IPO11: variants seen among roughly 807,000 people sequenced by gnomAD.
The protein encoded by IPO11 is importin-11.
A neutral mutation model predicts 143.2 loss-of-function variants in IPO11; 66 were observed. That is an observed-to-expected ratio of 0.46 (90% CI 0.38 to 0.57). IPO11 has a LOEUF of 0.57. Ranked by LOEUF, IPO11 falls within the 20% of genes least tolerant of loss-of-function variation. The pLI is 0.00. For missense variants in IPO11, 1,026 were observed against 1,141.0 expected (o/e 0.90, Z 1.45); for synonymous variants, 385 against 377.8 (o/e 1.02, Z -0.22).
rs148964090 is a variant in IPO11 at position 62,601,780 on chromosome 5, C to G, written c.2695C>G (p.His899Asp). The G allele has an allele frequency of 6.3e-7, 1 of 1,584,450 alleles. No homozygotes were observed. ...GTYKDCMLMS[H>D]LEEPKVTEDE... ...TTATTATAGCTGTATGTTGATGTCT[C>G]ATCTTGAGGAACCAAAAGTAACAGA... The change falls in exon 29 of 30, where the codon CAT (histidine) becomes GAT (aspartate). Residue 899 changes from histidine (H) to aspartate (D), a missense_variant. Around this residue, in one of 5 missense-constraint regions of IPO11, gnomAD observed 351 missense variants for 358.9 expected, o/e 0.98. Transcript: ENST00000325324.
chr5:62,598,878 G>A (rs1361161672), intron 28 of IPO11, among the ~76,000 whole-genome samples: 1 of 151,826 alleles, frequency 6.6e-6, no homozygotes, highest in Non-Finnish European at 1.5e-5. Context: ...CTAGCTGAAA[G>A]TCAGTTACAT....
chr5:62,530,898 A>T, intron 22 of IPO11, 113 bp downstream of exon 22: 1 of 756,594 alleles, frequency 1.3e-6, no homozygotes, highest in Non-Finnish European at 2.3e-6. Context: ...CTTCTAGTTT[A>T]GATTCAGGGG....
intron 19 of IPO11, among the ~76,000 whole-genome samples, chr5:62,514,344 C>T (rs1426424957): frequency 6.6e-6 from 1 of 152,102 alleles, no homozygotes; most frequent in African/African-American, 2.4e-5. Context: ...AATCCTGGCA[C>T]CTCGGGAGGC....
chr5:62,485,984 C>CTTT (rs746289007), intron 12 of IPO11, among the ~76,000 whole-genome samples: 1 of 130,248 alleles, frequency 7.7e-6, no homozygotes, highest in Non-Finnish European at 1.7e-5. Flanking sequence ...TTTTCTTTTT[C>CTTT]TTTTTTTTTT....
intron 1 of IPO11, among the ~76,000 whole-genome samples, chr5:62,435,210 G>GTATATATATGTATATATA (rs769669064): frequency 0.013 from 1,212 of 92,266 alleles, 91 homozygotes; most frequent in South Asian, 0.027. Context: ...GTATATATAT[G>GTATATATATGTATATATA]TGTATATATA....
intron 8 of IPO11, among the ~76,000 whole-genome samples, chr5:62,474,768 C>G (rs1048731111): frequency 6.6e-6 from 1 of 152,106 alleles, no homozygotes; most frequent in Non-Finnish European, 1.5e-5. Context: ...AGACCTACAG[C>G]GGATGCCTGA....
At chr5:62,515,544 T>A in intron 20 of IPO11, 43 bp downstream of exon 20, 2 of 1,294,100 alleles carry the variant, frequency 1.5e-6, no homozygotes, top group Non-Finnish European at 2.1e-6. Flanking sequence ...TAGTGGTTTT[T>A]AAAAAATTCT....
intron 24 of IPO11, among the ~76,000 whole-genome samples, chr5:62,546,610 C>A (rs1175560691): frequency 7.0e-6 from 1 of 143,504 alleles, no homozygotes; most frequent in Non-Finnish European, 1.5e-5. Context: ...AAAAAAACCA[C>A]ACACACACAA....
At chr5:62,533,492 G>T (rs542746219) in intron 22 of IPO11, among the ~76,000 whole-genome samples, 42 of 152,058 alleles carry the variant, frequency 2.8e-4, no homozygotes, top group African/African-American at 9.9e-4. Context: ...GATTACAGGC[G>T]TGAGCCACCA....
intron 28 of IPO11, 31 bp downstream of exon 28, chr5:62,591,703 G>A (rs1190077861): frequency 7.2e-7 from 1 of 1,389,672 alleles, no homozygotes; most frequent in Non-Finnish European, 1.0e-6. Flanking sequence ...ATCATAATTG[G>A]ACTTGGGGGA....
At chr5:62,594,915 A>G (rs1191521817) in intron 28 of IPO11, among the ~76,000 whole-genome samples, 1 of 152,206 alleles carries the variant, frequency 6.6e-6, no homozygotes, top group Non-Finnish European at 1.5e-5. Flanking sequence ...CCTTTGTGAA[A>G]TACAAAGAAT....
intron 26 of IPO11, among the ~76,000 whole-genome samples, chr5:62,555,407 T>TA (rs1165362397): frequency 6.6e-6 from 1 of 152,016 alleles, no homozygotes; most frequent in Non-Finnish European, 1.5e-5. Context: ...CGCAAACTCT[T>TA]ACTCAGGTGA....
At chr5:62,444,638 G>A (rs1426065871) in intron 3 of IPO11, among the ~76,000 whole-genome samples, 1 of 151,948 alleles carries the variant, frequency 6.6e-6, no homozygotes, top group Non-Finnish European at 1.5e-5. Flanking sequence ...CACTTTGGGA[G>A]GTCGAGGATC....
chr5:62,495,716 C>G (rs868736267), intron 16 of IPO11, among the ~76,000 whole-genome samples: 3 of 152,120 alleles, frequency 2.0e-5, no homozygotes, highest in Non-Finnish European at 4.4e-5. Flanking sequence ...AACGATTCAC[C>G]CACCTCAGCC....
At chr5:62,443,382 AGTGTGTGTGTGTGT>A (rs4024083) in intron 3 of IPO11, 5,754 of 159,526 alleles carry the variant, frequency 0.036, 351 homozygotes, top group African/African-American at 0.13. Flanking sequence ...TTTCCATTTG[AGTGTGTGTGTGTGT>A]GTGTGTGTGT....
intron 1 of IPO11, among the ~76,000 whole-genome samples, chr5:62,417,811 G>A (rs1743354808): frequency 6.6e-6 from 1 of 152,104 alleles, no homozygotes; most frequent in Non-Finnish European, 1.5e-5. Context: ...TGACATTCAT[G>A]TCAAAAACGT....
chr5:62,533,488 A>G (rs1243691785), intron 22 of IPO11, among the ~76,000 whole-genome samples: 1 of 152,186 alleles, frequency 6.6e-6, no homozygotes, highest in Non-Finnish European at 1.5e-5. Flanking sequence ...CTGGGATTAC[A>G]GGCGTGAGCC....
intron 19 of IPO11, among the ~76,000 whole-genome samples, chr5:62,507,603 A>C (rs1223750166): frequency 2.6e-5 from 4 of 152,200 alleles, no homozygotes; most frequent in African/African-American, 9.6e-5. Flanking sequence ...AAAATGCTTC[A>C]GGGTACTATA....
At chr5:62,586,768 A>ATATATATATATATATATATAT (rs1554057002) in intron 27 of IPO11, among the ~76,000 whole-genome samples, 2 of 28,914 alleles carry the variant, frequency 6.9e-5, no homozygotes, top group African/African-American at 2.7e-4. Context: ...AAAAAAAAAA[A>ATATATATATATATATATATAT]ATATATATAT....
Sources: gnomAD v4.1 joint callset for allele counts (sites outside exome capture counted in the v4.1 genomes callset) on GRCh38, gnomAD v4.1.1 for gene constraint, gnomAD v4.1.1 regional missense constraint, MANE v1.5 for transcripts, NCBI Gene and HGNC (gene_info 2026-07-23, HGNC 2026-07-21) for gene names.